The following GAPVD1 variants were observed in gnomAD, a reference collection of about 807,000 sequenced individuals.
GAPVD1 encodes GTPase activating protein and VPS9 domains 1, also known as GTPase-activating protein and VPS9 domain-containing protein 1.
A neutral mutation model predicts 155.5 loss-of-function variants in GAPVD1; 35 were observed. The ratio of observed to expected loss-of-function variants is 0.23; its 90% CI spans 0.17 to 0.30. The LOEUF is 0.30. Among genes scored for constraint, GAPVD1 ranks in the 10% least tolerant of loss-of-function variants. The probability of loss-of-function intolerance (pLI) is 1.00; values close to 1 mark genes in which losing one functional copy is unlikely to be tolerated. For missense variants in GAPVD1, 1,429 were observed against 1,775.7 expected (o/e 0.80, Z 3.51); for synonymous variants, 636 against 619.7 (o/e 1.03, Z -0.39).
Position 125,337,461 on chromosome 9 carries a change from C to T in GAPVD1, c.2747C>T (p.Pro916Leu), listed in dbSNP as rs774709442. The change falls in exon 17 of 28, where the codon CCC becomes CTC. Residue 916 changes from proline to leucine, a missense_variant. Transcript: ENST00000297933. ...VSSVRRPMSDPSWNRRPGNEE... is the reference protein window; with the variant it reads ...VSSVRRPMSDLSWNRRPGNEE... Reference sequence around the variant, plus strand: ...TCTGTCCGGAGACCCATGAGTGACCCCAGCTGGAACCGGCGTCCAGGAAAT... The same window carrying T: ...TCTGTCCGGAGACCCATGAGTGACCTCAGCTGGAACCGGCGTCCAGGAAAT... 8.1e-6 allele frequency: 13 copies of T among 1,614,182 alleles called. No homozygotes were observed. Among genetic ancestry groups the T allele is most frequent in the Non-Finnish European group, 1.1e-5 (13 of 1,180,034 alleles).
intron 24 of GAPVD1, among the ~76,000 whole-genome samples, 187 bp downstream of exon 24, chr9:125,355,028 A>C (rs996265859): frequency 1.3e-5 from 2 of 152,214 alleles, no homozygotes; most frequent in African/African-American, 4.8e-5. Context: ...TCCTGGATTG[A>C]ATATCTGTAG....
At chr9:125,328,680 A>G (rs1404709652) in intron 12 of GAPVD1, among the ~76,000 whole-genome samples, 1 of 150,808 alleles carries the variant, frequency 6.6e-6, no homozygotes, top group Non-Finnish European at 1.5e-5. Flanking sequence ...CAAAGCCGCC[A>G]TTGTCATCCT....
intron 1 of GAPVD1, among the ~76,000 whole-genome samples, chr9:125,266,490 T>C (rs1306900447): frequency 6.6e-6 from 1 of 151,928 alleles, no homozygotes; most frequent in Non-Finnish European, 1.5e-5. Flanking sequence ...ATTTTTTGTA[T>C]TTTCAGTAGA....
At chr9:125,348,015 T>C (rs1187732081) in intron 20 of GAPVD1, among the ~76,000 whole-genome samples, 1 of 151,912 alleles carries the variant, frequency 6.6e-6, no homozygotes, top group Admixed American at 6.6e-5. Context: ...CCGCCATATA[T>C]AGAGAGTGTG....
chr9:125,303,075 A>T (rs1287532460), intron 5 of GAPVD1, among the ~76,000 whole-genome samples: 1 of 152,070 alleles, frequency 6.6e-6, no homozygotes, highest in Non-Finnish European at 1.5e-5. Flanking sequence ...CCCAGGCTGG[A>T]GTGCAGTGGC....
Position 125,301,902 on chromosome 9 carries a change from T to G in GAPVD1, c.186-81T>G, listed in dbSNP as rs976301817. Reference sequence around the variant, plus strand: ...GTTGGGACCATAATCAACTCACATATCCATGTTTGGATATAGTATATGTGT... The same window carrying G: ...GTTGGGACCATAATCAACTCACATAGCCATGTTTGGATATAGTATATGTGT... On this transcript the variant is annotated intron_variant, in intron 4 of 27. Transcript: ENST00000297933. 1.8e-5 allele frequency: 21 copies of G among 1,144,372 alleles called. No individual in the cohort carries two copies. The African/African-American group carries it at 3.1e-4, about 17-fold the overall frequency. The allele number at this position is 1,144,372 out of a possible 1,614,324, so 70.9% of individuals were successfully genotyped here.
intron 9 of GAPVD1, among the ~76,000 whole-genome samples, chr9:125,319,941 C>T (rs1844049427): frequency 6.6e-6 from 1 of 152,090 alleles, no homozygotes; most frequent in South Asian, 2.1e-4. Flanking sequence ...TGTATAAAAC[C>T]ATTTCAAAAC....
At chr9:125,330,315 C>CA in intron 13 of GAPVD1, 97 bp downstream of exon 13, 1 of 689,988 alleles carries the variant, frequency 1.4e-6, no homozygotes, top group Non-Finnish European at 2.2e-6. Flanking sequence ...TTGTCAAATA[C>CA]ACTTTTTTTT....
At chr9:125,294,718 A>G (rs748883323) in intron 2 of GAPVD1, among the ~76,000 whole-genome samples, 1 of 151,212 alleles carries the variant, frequency 6.6e-6, no homozygotes, top group Non-Finnish European at 1.5e-5. Context: ...AAACTTTTCA[A>G]TTCTGAAATT....
At chr9:125,319,445 C>T (rs1843946557) in intron 9 of GAPVD1, among the ~76,000 whole-genome samples, 1 of 150,568 alleles carries the variant, frequency 6.6e-6, no homozygotes, top group African/African-American at 2.4e-5. Flanking sequence ...CCCTCTGTCA[C>T]CCAGGCTGGA....
chr9:125,330,023 A>C, intron 12 of GAPVD1, 55 bp from the exon 13 acceptor site: 1 of 1,470,678 alleles, frequency 6.8e-7, no homozygotes, highest in Non-Finnish European at 9.2e-7. Flanking sequence ...CTCCACTATC[A>C]CTGCACTTTC....
chr9:125,275,521 G>T (rs756471723), intron 2 of GAPVD1, among the ~76,000 whole-genome samples: 9 of 152,112 alleles, frequency 5.9e-5, no homozygotes, highest in Admixed American at 2.0e-4. Flanking sequence ...GACCAAGGTG[G>T]GTGGATTGCT....
intron 20 of GAPVD1, among the ~76,000 whole-genome samples, chr9:125,348,825 T>A (rs1848901065): frequency 6.6e-6 from 1 of 152,226 alleles, no homozygotes. Context: ...TATTCTTGAT[T>A]AAGACATAAA....
Position 125,367,132 on chromosome 9 carries a change from T to C in GAPVD1, c.*4386T>C, listed in dbSNP as rs1851508494. The C allele has an allele frequency of 6.6e-6, 1 of 152,222 alleles. No homozygotes were observed. Among genetic ancestry groups the C allele is most frequent in the African/African-American group, 2.4e-5 (1 of 41,456 alleles). 9.4% of individuals were successfully genotyped at this position (152,222 alleles called of 1,614,324 possible). A position where few individuals can be genotyped will look rare whatever the true frequency, so the allele number is the denominator to read the frequency against. ...TTGTATATGTACAGGAAACCCCTCC[T>C]GTCTCCTAATGTGATTAGTACTGTA... is the stretch of plus-strand genomic sequence containing the variant. On this transcript the variant is annotated 3_prime_UTR_variant, in exon 28 of 28. Transcript: ENST00000297933.
chr9:125,313,120 G>T (rs550522544), intron 9 of GAPVD1, among the ~76,000 whole-genome samples: 1 of 150,838 alleles, frequency 6.6e-6, no homozygotes, highest in East Asian at 2.0e-4. Context: ...GCGCCTGGCT[G>T]GTTGGGCTAT....
chr9:125,321,223 C>T (rs1228285693), intron 9 of GAPVD1, among the ~76,000 whole-genome samples: 2 of 152,112 alleles, frequency 1.3e-5, no homozygotes, highest in Non-Finnish European at 2.9e-5. Context: ...CTGTAACACT[C>T]GTAGGGTAAT....
chr9:125,302,928 T>C, intron 5 of GAPVD1, 102 bp downstream of exon 5: 1 of 1,393,988 alleles, frequency 7.2e-7, no homozygotes, highest in South Asian at 1.4e-5. Flanking sequence ...ATTTGTATAT[T>C]CTTACAACTT....
chr9:125,293,868 A>ATATATATATATAAATATATTTT (rs1839249260), intron 2 of GAPVD1, among the ~76,000 whole-genome samples: 1 of 19,346 alleles, frequency 5.2e-5, no homozygotes, highest in Non-Finnish European at 7.9e-5. Context: ...ATATATATAT[A>ATATATATATATAAATATATTTT]TATATATATA....
chr9:125,329,016 G>A lies in GAPVD1; in HGVS notation c.2033-1062G>A, dbSNP rs981711185. ...CGCGTGCCTGCAGTCGCAGGCACTC[G>A]GCAGGCTGAGGCAGGAGAATCAGGC... On this transcript the variant is annotated intron_variant, in intron 12 of 27. Coordinates refer to ENST00000297933, the MANE Select transcript of GAPVD1 (RefSeq NM_001282680.3). Among the ~76,000 whole-genome samples the A allele has an allele frequency of 8.7e-5, 13 of 148,764 alleles. No individual in the cohort carries two copies. In the East Asian group the frequency reaches 1.1e-3, roughly 12 times the overall value.
Sources: gnomAD v4.1 joint callset for allele counts (sites outside exome capture counted in the v4.1 genomes callset) on GRCh38, gnomAD v4.1.1 for gene constraint, MANE v1.5 for transcripts, NCBI Gene and HGNC (gene_info 2026-07-23, HGNC 2026-07-21) for gene names.